Variants in ZNF329 observed in about 807,000 individuals in gnomAD.
ZNF329 encodes zinc finger protein 329.
A neutral mutation model predicts 26.6 loss-of-function variants in ZNF329; 15 were observed. That is an observed-to-expected ratio of 0.56 (90% CI 0.38 to 0.87). The LOEUF (loss-of-function observed/expected upper bound fraction) is 0.87, where lower values mean the gene tolerates loss of function less well. Among genes scored for constraint, ZNF329 ranks in the 40% least tolerant of loss-of-function variants. ZNF329 has a pLI of 0.00. For missense variants in ZNF329, 651 were observed against 651.9 expected, an observed-to-expected ratio of 1.00 and a Z score of 0.02; for synonymous variants, 239 against 233.5, an observed-to-expected ratio of 1.02 and a Z score of -0.21.
At chr19:58,129,576 T>A in intron 3 of ZNF329, 65 bp from the exon 4 acceptor site, 3 of 1,341,558 alleles carry the variant, frequency 2.2e-6, no homozygotes, top group Non-Finnish European at 3.1e-6. Context: ...AAACAGACAA[T>A]GATGATGGGC....
intron 1 of ZNF329, among the ~76,000 whole-genome samples, chr19:58,145,127 G>A (rs1054263494): frequency 1.3e-5 from 2 of 151,310 alleles, no homozygotes; most frequent in Non-Finnish European, 2.9e-5. Context: ...GGAATTACAG[G>A]CGTGAGCCAC....
At position 58,146,556 on chromosome 19, in the gene ZNF329, C is replaced by A. The variant is rs1175023133; in HGVS notation, c.-207-3358G>T. 2.1e-5 allele frequency among the ~76,000 whole-genome samples: 3 copies of A among 141,680 alleles called. No homozygotes were observed. In the East Asian group the frequency reaches 5.8e-4, roughly 27 times the overall value. The allele number at this position is 141,680 out of a possible 152,430, so 92.9% of individuals were successfully genotyped here. ...CCCCCTCCCCCTCTCCCTCTCCCCA[C>A]GGTCTCCCTCTCCCTCTCTTTCCAC... On this transcript the variant is annotated intron_variant, in intron 1 of 3. Coordinates refer to ENST00000598312, the MANE Select transcript of ZNF329 (RefSeq NM_024620.4).
chr19:58,130,249 G>A (rs564005265), intron 3 of ZNF329, among the ~76,000 whole-genome samples: 1 of 151,854 alleles, frequency 6.6e-6, no homozygotes, highest in South Asian at 2.1e-4. Flanking sequence ...CTTCAACCTG[G>A]TAGGCAGAGG....
upstream of ZNF329, among the ~76,000 whole-genome samples, chr19:58,152,623 C>T (rs1343579748): frequency 6.6e-6 from 1 of 151,950 alleles, no homozygotes; most frequent in East Asian, 1.9e-4. Flanking sequence ...TTTGGGAGGC[C>T]GAGGCAGGTG....
At position 58,133,573 on chromosome 19, in the gene ZNF329, C is replaced by CAA. The variant is rs550883483; in HGVS notation, c.-8-4064_-8-4063dup. ...AGCCTGGACAACAGTGAGACTGTCTCAAAAAAAAAAAAAATTCAGAAAAGC... is the reference window on the plus strand; with the variant it reads ...AGCCTGGACAACAGTGAGACTGTCTCAAAAAAAAAAAAAAAATTCAGAAAAGC... On this transcript the variant is annotated intron_variant, in intron 3 of 3. Coordinates refer to ENST00000598312, the MANE Select transcript of ZNF329 (RefSeq NM_024620.4). 4.4e-3 allele frequency among the ~76,000 whole-genome samples: 575 copies of CAA among 130,970 alleles called. 3 individuals carry two copies. Among genetic ancestry groups the CAA allele is most frequent in the African/African-American group, 0.015 (547 of 35,380 alleles). 85.9% of individuals were successfully genotyped at this position (130,970 alleles called of 152,430 possible).
In ZNF329 at chr19:58,145,138, C is replaced by T. The variant is rs185089634; in HGVS notation, c.-207-1940G>A. ...TGCTGGAATTACAGGCGTGAGCCACCGCGCCTGGCCATTTTTTTTTTTTAA... is the reference window on the plus strand; with the variant it reads ...TGCTGGAATTACAGGCGTGAGCCACTGCGCCTGGCCATTTTTTTTTTTTAA... On this transcript the variant is annotated intron_variant, in intron 1 of 3. Transcript: ENST00000598312. Among the ~76,000 whole-genome samples the T allele has an allele frequency of 8.5e-3, 1,283 of 150,700 alleles. 19 individuals are homozygous for T. Among genetic ancestry groups the T allele is most frequent in the African/African-American group, 0.03 (1,228 of 40,674 alleles).
At chr19:58,144,449 G>A (rs1049302146) in intron 1 of ZNF329, among the ~76,000 whole-genome samples, 5 of 151,210 alleles carry the variant, frequency 3.3e-5, no homozygotes, top group East Asian at 3.9e-4. Context: ...GTGCAGTGGC[G>A]CGATCTCGGC....
upstream of ZNF329, among the ~76,000 whole-genome samples, chr19:58,154,552 T>A (rs1015959885): frequency 1.3e-5 from 2 of 152,226 alleles, no homozygotes; most frequent in Admixed American, 1.3e-4. Flanking sequence ...ACACGGTCCA[T>A]GCCTCTTCCA....
At chr19:58,143,738 T>C (rs2075236030) in intron 1 of ZNF329, among the ~76,000 whole-genome samples, 1 of 152,118 alleles carries the variant, frequency 6.6e-6, no homozygotes, top group African/African-American at 2.4e-5. Flanking sequence ...CACACAGGCT[T>C]ATAAGACCTA....
intron 3 of ZNF329, among the ~76,000 whole-genome samples, chr19:58,142,145 C>T (rs114751744): frequency 0.015 from 2,348 of 152,266 alleles, 49 homozygotes; most frequent in African/African-American, 0.052. Flanking sequence ...AGACCACATA[C>T]TGCAGGCTAT....
chr19:58,127,078 AC>A lies in ZNF329; in HGVS notation c.*799del, dbSNP rs1328892108. ...GAGTATAATGCAGACATACATTCAA[AC>A]AGGAAAATCTCACACATTCTGTGGT... On this transcript the variant is annotated 3_prime_UTR_variant, in exon 4 of 4. Transcript: ENST00000598312. The A allele has an allele frequency of 6.6e-6, 1 of 152,198 alleles. No individual in the cohort carries two copies. The highest frequency in any genetic ancestry group is 2.4e-5 in the African/African-American group (1 of 41,430). The allele number at this position is 152,198 out of a possible 1,614,324, so 9.4% of individuals were successfully genotyped here.
At chr19:58,147,915 C>T (rs1007226727) in intron 1 of ZNF329, among the ~76,000 whole-genome samples, 13 of 151,902 alleles carry the variant, frequency 8.6e-5, no homozygotes, top group Non-Finnish European at 1.2e-4. Flanking sequence ...TCAATGAGAA[C>T]GGGCCATGAT....
At chr19:58,146,321 A>T (rs2075308088) in intron 1 of ZNF329, among the ~76,000 whole-genome samples, 1 of 152,200 alleles carries the variant, frequency 6.6e-6, no homozygotes, top group East Asian at 1.9e-4. Flanking sequence ...TAAAAATACA[A>T]ATATTAGCTG....
At chr19:58,143,973 C>T (rs939955833) in intron 1 of ZNF329, among the ~76,000 whole-genome samples, 5 of 151,450 alleles carry the variant, frequency 3.3e-5, no homozygotes, top group Non-Finnish European at 5.9e-5. Flanking sequence ...CTCAGCTACT[C>T]GGGAGGCTGA....
In ZNF329 at chr19:58,128,568, T is replaced by A; in HGVS notation, c.936A>T (p.Glu312Asp). ...CACATTCGTTACATCTATATGGTTT[T>A]TCCCCTGTATGAGTTCTTTGGTGCA... ...LILHQRTHTG[E>D]KPYRCNECGK... The change falls in exon 4 of 4, where the codon GAA becomes GAT. Residue 312 changes from glutamate to aspartate, a missense_variant. By Grantham distance (45) the Glu-to-Asp change is conservative. Coordinates refer to ENST00000598312, the MANE Select transcript of ZNF329 (RefSeq NM_024620.4). 2 of 1,614,060 alleles carry A rather than the reference T, an allele frequency of 1.2e-6. No homozygotes were observed. The highest frequency in any genetic ancestry group is 2.2e-5 in the South Asian group (2 of 91,078).
chr19:58,149,542 C>T lies in ZNF329; in HGVS notation c.-208+1210G>A, dbSNP rs540533872. ...ATGGTTTTAGAAGTGTTAAACTATT[C>T]CTGCAACTTCTATGCAAATGCGGAA... is the stretch of plus-strand genomic sequence containing the variant. On this transcript the variant is annotated intron_variant, in intron 1 of 3. Transcript: ENST00000598312. 1.2e-4 allele frequency among the ~76,000 whole-genome samples: 19 copies of T among 152,182 alleles called. No individual in the cohort carries two copies. In the South Asian group the frequency reaches 1.5e-3, roughly 12 times the overall value.
chr19:58,137,154 AAAAG>A (rs1299374150), intron 3 of ZNF329: 1 of 152,312 alleles, frequency 6.6e-6, no homozygotes, highest in Non-Finnish European at 1.5e-5. Flanking sequence ...ATAATTGACT[AAAAG>A]AAAAGAAGAC....
chr19:58,128,794 C>A lies in ZNF329; in HGVS notation c.710G>T (p.Gly237Val). The part of the protein sequence containing the change: ...GEKPYTCNEC[G>V]KSFSKNYNLI... ...GTTGTAGTTCTTGGAGAAGGACTTTCCACACTCATTACAAGTATAAGGCTT... is the reference window on the plus strand; with the variant it reads ...GTTGTAGTTCTTGGAGAAGGACTTTACACACTCATTACAAGTATAAGGCTT... Residue 237 changes from glycine to valine, a missense_variant, in exon 4 of 4, where the codon GGA (glycine) becomes GTA (valine). Transcript: ENST00000598312. The A allele has an allele frequency of 6.2e-7, 1 of 1,601,012 alleles. No homozygotes were observed. Among genetic ancestry groups the A allele is most frequent in the Admixed American group, 1.7e-5 (1 of 57,566 alleles).
rs549725156 is a variant in ZNF329, at chr19:58,129,466, C to T, written c.38G>A (p.Arg13Lys). The part of the protein sequence containing the change: ...LKMTTRNFPE[R>K]EVPCDVEVER... ...CACTTCTACATCACAGGGTACTTCT[C>T]TCTCAGGAAAATTCCGAGTCGTCAT... The change falls in exon 4 of 4, where the codon AGA becomes AAA. Residue 13 changes from arginine to lysine, a missense_variant. Transcript: ENST00000598312. 104 of 1,599,666 alleles carry T rather than the reference C, an allele frequency of 6.5e-5. No homozygotes were observed. The East Asian group carries it at 2.3e-3, about 35-fold the overall frequency.
Sources: gnomAD v4.1 joint callset for allele counts (sites outside exome capture counted in the v4.1 genomes callset) on GRCh38, gnomAD v4.1.1 for gene constraint, MANE v1.5 for transcripts, NCBI Gene and HGNC (gene_info 2026-07-23, HGNC 2026-07-21) for gene names.